The following HS3ST4 variants were observed in gnomAD, a reference collection of about 807,000 sequenced individuals.
HS3ST4 encodes heparan sulfate glucosamine 3-O-sulfotransferase 4.
In HS3ST4, 17 loss-of-function variants were observed where a neutral mutation model predicts 29.2. The observed-to-expected ratio is 0.58, with a 90% CI of 0.40 to 0.87. HS3ST4 has a LOEUF of 0.87. Ranked by LOEUF, HS3ST4 falls within the 40% of genes least tolerant of loss-of-function variation. The pLI, the probability that HS3ST4 is intolerant of heterozygous loss-of-function variation, is 0.00. For missense variants in HS3ST4, 627 were observed against 634.5 expected (o/e 0.99, Z 0.13); for synonymous variants, 314 against 285.7 (o/e 1.10, Z -1.00).
At chr16:26,088,365 A>T (rs1392396592) in intron 1 of HS3ST4, among the ~76,000 whole-genome samples, 1 of 152,066 alleles carries the variant, frequency 6.6e-6, no homozygotes, top group Non-Finnish European at 1.5e-5. Context: ...TGTATGTTTA[A>T]TTGTGGTGGT....
intron 1 of HS3ST4, among the ~76,000 whole-genome samples, chr16:26,078,194 G>A (rs1898685815): frequency 6.6e-6 from 1 of 152,164 alleles, no homozygotes; most frequent in African/African-American, 2.4e-5. Flanking sequence ...AGGCTGGAGT[G>A]CAGTGGCATG....
At chr16:25,971,924 C>G (rs1968902685) in intron 1 of HS3ST4, among the ~76,000 whole-genome samples, 2 of 152,042 alleles carry the variant, frequency 1.3e-5, no homozygotes, top group Non-Finnish European at 2.9e-5. Flanking sequence ...GAGTGAGACT[C>G]CATCTCAAAA....
At chr16:25,942,223 A>C (rs1357573308) in intron 1 of HS3ST4, among the ~76,000 whole-genome samples, 2 of 152,104 alleles carry the variant, frequency 1.3e-5, no homozygotes. Flanking sequence ...TGGGGGGAGG[A>C]GAAACAAGAG....
intron 1 of HS3ST4, among the ~76,000 whole-genome samples, chr16:25,908,291 C>A (rs2141676847): frequency 6.6e-6 from 1 of 152,290 alleles, no homozygotes; most frequent in South Asian, 2.1e-4. Flanking sequence ...CAGCATCACC[C>A]ATGAATTGCT....
chr16:25,784,511 C>T (rs1323903623), intron 1 of HS3ST4, among the ~76,000 whole-genome samples: 2 of 152,200 alleles, frequency 1.3e-5, no homozygotes, highest in African/African-American at 4.8e-5. Flanking sequence ...GAAAGCAACA[C>T]AGCTTTATTG....
chr16:25,904,155 AATGGATGAATGG>A (rs1450630001), intron 1 of HS3ST4, among the ~76,000 whole-genome samples: 4 of 52,696 alleles, frequency 7.6e-5, no homozygotes, highest in African/African-American at 2.8e-4. Context: ...TGGATGGATG[AATGGATGAATGG>A]ATGGATGGAT....
At chr16:25,922,639 G>A (rs775421023) in intron 1 of HS3ST4, among the ~76,000 whole-genome samples, 1 of 152,218 alleles carries the variant, frequency 6.6e-6, no homozygotes, top group Admixed American at 6.5e-5. Context: ...TTCCAGGCAC[G>A]CTGGATACCT....
At chr16:26,055,838 A>T (rs1898399705) in intron 1 of HS3ST4, among the ~76,000 whole-genome samples, 1 of 152,070 alleles carries the variant, frequency 6.6e-6, no homozygotes, top group South Asian at 2.1e-4. Flanking sequence ...TGGCATGCTA[A>T]CCGTCTGATG....
chr16:26,109,674 C>G (rs1261224161), intron 1 of HS3ST4, among the ~76,000 whole-genome samples: 1 of 151,790 alleles, frequency 6.6e-6, no homozygotes, highest in East Asian at 1.9e-4. Context: ...ATTGTCAATG[C>G]CCAGTTCTCC....
intron 1 of HS3ST4, among the ~76,000 whole-genome samples, chr16:25,724,590 CT>C (rs1392920113): frequency 6.6e-6 from 1 of 152,032 alleles, no homozygotes; most frequent in African/African-American, 2.4e-5. Context: ...TCTCGAACTC[CT>C]GAACTCGTGA....
chr16:26,057,510 T>C (rs1315056373), intron 1 of HS3ST4, among the ~76,000 whole-genome samples: 1 of 152,208 alleles, frequency 6.6e-6, no homozygotes, highest in Non-Finnish European at 1.5e-5. Context: ...ATCTCAGCGC[T>C]GTGGGAGGCT....
chr16:25,866,445 T>A (rs1028481857), intron 1 of HS3ST4, among the ~76,000 whole-genome samples: 2 of 152,100 alleles, frequency 1.3e-5, no homozygotes, highest in African/African-American at 2.4e-5. Context: ...GAAAATGTGG[T>A]ACATATACAC....
rs192897258 is a variant in HS3ST4, at chr16:25,976,918, A to G, written c.735-158694A>G. On this transcript the variant is annotated intron_variant, in intron 1 of 1. Transcript: ENST00000331351. ...AACTATTCTCTGAAATGTAAATTGC[A>G]TGTAATTTTCACGTCGCAAAATATT... is the stretch of plus-strand genomic sequence containing the variant. Among the ~76,000 whole-genome samples, 387 of 59,338 alleles carry G rather than the reference A, an allele frequency of 6.5e-3. 1 individual carries two copies. The highest frequency in any genetic ancestry group is 0.022 in the African/African-American group (369 of 17,118). 38.9% of individuals were successfully genotyped at this position (59,338 alleles called of 152,430 possible).
chr16:25,882,182 C>G (rs1967901705), intron 1 of HS3ST4, among the ~76,000 whole-genome samples: 1 of 152,260 alleles, frequency 6.6e-6, no homozygotes, highest in Non-Finnish European at 1.5e-5. Flanking sequence ...CAGAGGGCAA[C>G]CCAGGATGAA....
At chr16:26,038,809 G>A (rs371129284) in intron 1 of HS3ST4, among the ~76,000 whole-genome samples, 6 of 151,886 alleles carry the variant, frequency 4.0e-5, no homozygotes, top group East Asian at 1.9e-4. Flanking sequence ...TCAGCCTCCC[G>A]AGTAGCTGGG....
At chr16:26,129,647 A>G (rs1018249281) in intron 1 of HS3ST4, among the ~76,000 whole-genome samples, 2 of 152,226 alleles carry the variant, frequency 1.3e-5, no homozygotes, top group Admixed American at 1.3e-4. Context: ...CCTGGTTTTC[A>G]AATAATGAAA....
At chr16:25,999,760 T>TTA (rs1174752232) in intron 1 of HS3ST4, among the ~76,000 whole-genome samples, 2 of 141,044 alleles carry the variant, frequency 1.4e-5, no homozygotes, top group African/African-American at 5.2e-5. Flanking sequence ...TATGTATATT[T>TTA]TATATATATA....
intron 1 of HS3ST4, among the ~76,000 whole-genome samples, chr16:26,016,533 G>A (rs1042678638): frequency 6.6e-6 from 1 of 152,170 alleles, no homozygotes; most frequent in South Asian, 2.1e-4. Flanking sequence ...AAGGGAAAGT[G>A]AGTCTCAGAC....
intron 1 of HS3ST4, among the ~76,000 whole-genome samples, chr16:26,039,738 C>T (rs760367637): frequency 8.5e-5 from 13 of 152,152 alleles, no homozygotes; most frequent in Non-Finnish European, 1.3e-4. Context: ...CACCCTTTCA[C>T]TACCCTTCCT....
Sources: allele counts gnomAD v4.1 joint callset (sites outside exome capture counted in the v4.1 genomes callset), GRCh38; gene constraint gnomAD v4.1.1; transcripts MANE v1.5; gene names NCBI Gene and HGNC (gene_info 2026-07-23, HGNC 2026-07-21).